The following DMD variants were observed in gnomAD, a reference collection of about 807,000 sequenced individuals.
The protein encoded by DMD is mutant dystrophin.
In DMD, 63 loss-of-function variants were observed where a neutral mutation model predicts 330.1. That is an observed-to-expected ratio of 0.19 (90% CI 0.16 to 0.24). The LOEUF (loss-of-function observed/expected upper bound fraction) is 0.24. Ranked by LOEUF, DMD falls within the 10% of genes least tolerant of loss-of-function variation. The pLI is 1.00. For missense variants in DMD, 3,344 were observed against 2,684.1 expected, an observed-to-expected ratio of 1.25 and a Z score of -5.43; for synonymous variants, 1,223 against 959.8, an observed-to-expected ratio of 1.27 and a Z score of -5.07.
intron 13 of DMD, among the ~76,000 whole-genome samples, chrX:32,585,695 GTC>G (rs2054180133): frequency 3.9e-5 from 1 of 25,626 alleles, no homozygotes; most frequent in Non-Finnish European, 7.2e-5. Flanking sequence ...GCAGGACTCC[GTC>G]TCAAAAAAAA....
In DMD at chrX:33,273,661, T is replaced by C. The variant is rs762519323; in HGVS notation, c.7+65598A>G. Among the ~76,000 whole-genome samples, 14 of 112,564 alleles carry C rather than the reference T, an allele frequency of 1.2e-4. No individual in the cohort carries two copies. In the East Asian group the frequency reaches 3.9e-3, roughly 31 times the overall value. Reference sequence around the variant, plus strand: ...CATGAAGCCATACGCAATTAGCATATGCTGTATTGTGGCAAGTTCTGTTAA... The same window carrying C: ...CATGAAGCCATACGCAATTAGCATACGCTGTATTGTGGCAAGTTCTGTTAA... On this transcript the variant is annotated intron_variant, in intron 1 of 17. Coordinates refer to the DMD transcript ENST00000288447.
intron 2 of DMD, among the ~76,000 whole-genome samples, chrX:32,875,573 G>A (rs1365513136): frequency 5.3e-5 from 6 of 112,285 alleles, no homozygotes; most frequent in Admixed American, 2.8e-4. Context: ...TATTGGATAA[G>A]TGAATTAGTG....
At chrX:32,862,925 G>C (rs1296314040) in intron 2 of DMD, among the ~76,000 whole-genome samples, 1 of 110,280 alleles carries the variant, frequency 9.1e-6, no homozygotes, top group East Asian at 2.9e-4. Flanking sequence ...TTTTAGTAGA[G>C]ACGGGGTTTC....
At chrX:31,906,040 C>T (rs1486249557) in intron 47 of DMD, among the ~76,000 whole-genome samples, 2 of 111,926 alleles carry the variant, frequency 1.8e-5, no homozygotes, top group Non-Finnish European at 3.8e-5. Flanking sequence ...AACCCCCACA[C>T]GTCCTGGGAG....
chrX:31,813,922 A>T (rs950226439), intron 50 of DMD, among the ~76,000 whole-genome samples: 1 of 111,789 alleles, frequency 8.9e-6, no homozygotes, highest in African/African-American at 3.3e-5. Context: ...TCACTGGAGC[A>T]CAGCCATGTC....
chrX:31,473,566 A>T (rs1301119409), intron 59 of DMD, among the ~76,000 whole-genome samples: 1 of 107,020 alleles, frequency 9.3e-6, no homozygotes, highest in Admixed American at 1.0e-4. Flanking sequence ...CTAAAATTAC[A>T]AAAATCAGCT....
intron 6 of DMD, among the ~76,000 whole-genome samples, chrX:32,815,494 C>CATATATATATATATATAT (rs1557051738): frequency 8.4e-5 from 6 of 71,847 alleles, no homozygotes; most frequent in South Asian, 7.8e-4. Flanking sequence ...CACACACAAG[C>CATATATATATATATATAT]ATATATATAT....
chrX:33,034,101 T>C (rs148131463), intron 1 of DMD, among the ~76,000 whole-genome samples: 1,988 of 110,872 alleles, frequency 0.018, 40 homozygotes, highest in African/African-American at 0.061. Flanking sequence ...ATAAGCTTCA[T>C]ACATATATAA....
Position 31,325,446 on chromosome X carries a change from C to CAAAAAAAAAAAAAA in DMD, c.9164-1802_9164-1789dup, listed in dbSNP as rs386416849. 3.9e-5 allele frequency among the ~76,000 whole-genome samples: 2 copies of CAAAAAAAAAAAAAA among 51,042 alleles called. 1 individual carries two copies. Among genetic ancestry groups the CAAAAAAAAAAAAAA allele is most frequent in the Non-Finnish European group, 7.1e-5 (2 of 28,307 alleles). The allele number at this position is 51,042 out of a possible 115,157, so 44.3% of individuals were successfully genotyped here. A position where few individuals can be genotyped will look rare whatever the true frequency, so the allele number is the denominator to read the frequency against. On this transcript the variant is annotated intron_variant, in intron 61 of 78. Transcript: ENST00000357033. ...GAAACGCTATCTCTACTAAAAATAC[C>CAAAAAAAAAAAAAA]AAAAAAAAAAAAAAAAAAAAAGCCG... is the stretch of plus-strand genomic sequence containing the variant.
At chrX:32,135,468 C>T (rs930968071) in intron 44 of DMD, among the ~76,000 whole-genome samples, 4 of 112,604 alleles carry the variant, frequency 3.6e-5, no homozygotes, top group East Asian at 2.8e-4. Flanking sequence ...CACTGGATCA[C>T]GCCTGTAATC....
At chrX:32,624,512 C>A (rs141875275) in intron 11 of DMD, among the ~76,000 whole-genome samples, 1,274 of 111,785 alleles carry the variant, frequency 0.011, 25 homozygotes, top group African/African-American at 0.028. Context: ...TGTTAGATAA[C>A]AGACATCCTT....
intron 2 of DMD, among the ~76,000 whole-genome samples, chrX:33,006,854 A>T (rs956053010): frequency 1.8e-5 from 2 of 111,400 alleles, no homozygotes; most frequent in African/African-American, 3.3e-5. Context: ...TCTCTCTTGC[A>T]ATAGTCTTTC....
intron 4 of DMD, among the ~76,000 whole-genome samples, chrX:32,831,649 C>CGTGT (rs6151283): frequency 0.037 from 3,320 of 89,652 alleles, 77 homozygotes; most frequent in African/African-American, 0.068. Context: ...AAGATATTTA[C>CGTGT]GTGTGTGTGT....
intron 23 of DMD, among the ~76,000 whole-genome samples, chrX:32,466,561 G>A (rs775688645): frequency 1.3e-4 from 15 of 111,314 alleles, no homozygotes; most frequent in African/African-American, 4.6e-4. Context: ...GAGATGGGGA[G>A]ATTATACTGG....
intron 44 of DMD, among the ~76,000 whole-genome samples, chrX:32,033,533 G>GT (rs1232958438): frequency 9.4e-6 from 1 of 106,426 alleles, no homozygotes; most frequent in Non-Finnish European, 1.9e-5. Context: ...TGCTATTTGA[G>GT]TTTTTTCCAA....
intron 51 of DMD, among the ~76,000 whole-genome samples, chrX:31,754,332 G>A (rs926018270): frequency 1.8e-5 from 2 of 111,093 alleles, no homozygotes; most frequent in Admixed American, 9.7e-5. Context: ...TCAAGAGTCC[G>A]CTTGTAATTG....
At chrX:32,784,979 C>A (rs751393525) in intron 7 of DMD, among the ~76,000 whole-genome samples, 20 of 110,935 alleles carry the variant, frequency 1.8e-4, no homozygotes, top group African/African-American at 5.9e-4. Flanking sequence ...TATCAATAGA[C>A]ATTTGATGAA....
intron 9 of DMD, among the ~76,000 whole-genome samples, chrX:32,694,390 C>A (rs747638161): frequency 2.0e-4 from 22 of 111,882 alleles, no homozygotes; most frequent in Non-Finnish European, 4.1e-4. Flanking sequence ...GAAATCCTAA[C>A]GTTCACTCCC....
At chrX:31,768,349 A>C (rs2090129643) in intron 51 of DMD, among the ~76,000 whole-genome samples, 3 of 104,502 alleles carry the variant, frequency 2.9e-5, no homozygotes, top group Non-Finnish European at 5.9e-5. Flanking sequence ...TCCCTCTTCC[A>C]TTTCCTCCTT....
Sources: allele counts gnomAD v4.1 joint callset (sites outside exome capture counted in the v4.1 genomes callset), GRCh38; gene constraint gnomAD v4.1.1; transcripts MANE v1.5; gene names NCBI Gene and HGNC (gene_info 2026-07-23, HGNC 2026-07-21).